Variants in THRB observed in about 807,000 individuals in gnomAD.
THRB encodes thyroid hormone receptor beta.
Under a neutral mutation model 47.8 loss-of-function variants are expected in THRB, and 12 were observed. That is an observed-to-expected ratio of 0.25 (90% confidence interval 0.16 to 0.41). THRB has a LOEUF of 0.41. Ranked by LOEUF, THRB falls within the 10% of genes least tolerant of loss-of-function variation. The probability of loss-of-function intolerance (pLI) is 1.00; values close to 1 mark genes in which losing one functional copy is unlikely to be tolerated. For synonymous variants in THRB, 218 were observed against 212.2 expected, an observed-to-expected ratio of 1.03 and a Z score of -0.24; for missense variants, 348 against 589.2, an observed-to-expected ratio of 0.59 and a Z score of 4.24.
chr3:24,172,949 T>G (rs1161957903), intron 5 of THRB, among the ~76,000 whole-genome samples: 1 of 152,164 alleles, frequency 6.6e-6, no homozygotes, highest in Non-Finnish European at 1.5e-5. Context: ...AGATGAAATA[T>G]GTCAATTTCT....
chr3:24,452,485 A>G (rs1418166988), intron 1 of THRB, among the ~76,000 whole-genome samples: 1 of 152,130 alleles, frequency 6.6e-6, no homozygotes, highest in East Asian at 1.9e-4. Context: ...GTCATCCAAG[A>G]AAATCATTAC....
chr3:24,184,760 G>T (rs2042356386), intron 5 of THRB, among the ~76,000 whole-genome samples: 1 of 152,202 alleles, frequency 6.6e-6, no homozygotes, highest in African/African-American at 2.4e-5. Flanking sequence ...TGGGACTGCA[G>T]ATCCTGATGT....
At chr3:24,460,202 A>T (rs1441678863) in intron 1 of THRB, among the ~76,000 whole-genome samples, 2 of 152,242 alleles carry the variant, frequency 1.3e-5, no homozygotes, top group African/African-American at 4.8e-5. Context: ...GGTTAAAGTG[A>T]CAGGCTTATC....
At chr3:24,133,051 T>TA in intron 9 of THRB, among the ~76,000 whole-genome samples, 1 of 152,318 alleles carries the variant, frequency 6.6e-6, no homozygotes, top group Middle Eastern at 3.4e-3. Context: ...TGGAATCTAT[T>TA]GCTATCATTA....
intron 1 of THRB, among the ~76,000 whole-genome samples, chr3:24,363,630 C>T (rs956286202): frequency 6.6e-5 from 10 of 152,074 alleles, no homozygotes; most frequent in Non-Finnish European, 1.0e-4. Flanking sequence ...TGAAGGTTGT[C>T]TGAAGAAAAG....
intron 7 of THRB, among the ~76,000 whole-genome samples, 175 bp downstream of exon 7, chr3:24,146,500 C>G (rs532763137): frequency 1.3e-5 from 2 of 152,320 alleles, no homozygotes; most frequent in East Asian, 3.9e-4. Flanking sequence ...ATGGCTCCCA[C>G]CTCCCTTTCA....
chr3:24,163,777 C>T (rs556411597), intron 5 of THRB, among the ~76,000 whole-genome samples: 15 of 152,094 alleles, frequency 9.9e-5, no homozygotes, highest in African/African-American at 3.4e-4. Flanking sequence ...AAATATATTT[C>T]ATGCTGTAAT....
At chr3:24,419,834 T>C (rs7626512) in intron 1 of THRB, among the ~76,000 whole-genome samples, 32,103 of 151,820 alleles carry the variant, frequency 0.21, 3,858 homozygotes, top group African/African-American at 0.32. Context: ...TAATAATATT[T>C]AATGTATTTC....
intron 1 of THRB, among the ~76,000 whole-genome samples, chr3:24,373,891 G>T (rs1332553638): frequency 6.6e-6 from 1 of 151,988 alleles, no homozygotes; most frequent in African/African-American, 2.4e-5. Context: ...TAAGGCAAAC[G>T]CTAAGCTATC....
chr3:24,192,979 A>C (rs1045815133), intron 4 of THRB, among the ~76,000 whole-genome samples: 2 of 152,132 alleles, frequency 1.3e-5, no homozygotes, highest in African/African-American at 4.8e-5. Flanking sequence ...TTATTTAAGG[A>C]GGATTCTTGA....
intron 1 of THRB, among the ~76,000 whole-genome samples, chr3:24,400,913 A>G (rs2067339268): frequency 6.6e-6 from 1 of 152,094 alleles, no homozygotes; most frequent in African/African-American, 2.4e-5. Context: ...TAGTAATAAG[A>G]AAAAACAAAA....
chr3:24,268,393 T>A (rs1049204891), intron 3 of THRB, among the ~76,000 whole-genome samples: 5 of 152,160 alleles, frequency 3.3e-5, no homozygotes, highest in African/African-American at 1.2e-4. Context: ...AGAAATGAGA[T>A]CCTTTAAAAA....
chr3:24,217,988 C>T (rs909950062), intron 4 of THRB, among the ~76,000 whole-genome samples: 2 of 152,110 alleles, frequency 1.3e-5, no homozygotes, highest in African/African-American at 2.4e-5. Context: ...CTTTCCTGGC[C>T]GGGTGCTGTG....
At chr3:24,374,197 A>C (rs1419825562) in intron 1 of THRB, among the ~76,000 whole-genome samples, 3 of 152,144 alleles carry the variant, frequency 2.0e-5, no homozygotes, top group Admixed American at 1.3e-4. Flanking sequence ...CAAGTGGTGT[A>C]GATTTAGTTT....
At chr3:24,161,654 A>ACACACACACG (rs1553624014) in intron 5 of THRB, among the ~76,000 whole-genome samples, 10 of 151,384 alleles carry the variant, frequency 6.6e-5, no homozygotes, top group East Asian at 1.9e-4. Flanking sequence ...ACACACACAC[A>ACACACACACG]GACAGAATTC....
intron 2 of THRB, among the ~76,000 whole-genome samples, chr3:24,322,448 T>G (rs891708435): frequency 6.6e-6 from 1 of 152,242 alleles, no homozygotes; most frequent in African/African-American, 2.4e-5. Flanking sequence ...TTTATTGTAT[T>G]TGCTTTGGGC....
In THRB at chr3:24,121,754, T is replaced by G. The variant is rs2031724454; in HGVS notation, c.*1130A>C. ...AGGGAAAAAGGGGACTAGGAGACAT[T>G]TGTCAATGAGGCAAGGAGCTTGAGG... is the stretch of plus-strand genomic sequence containing the variant. On this transcript the variant is annotated 3_prime_UTR_variant, in exon 11 of 11. Coordinates refer to ENST00000646209, the MANE Select transcript of THRB (RefSeq NM_001354712.2). 1 of 152,254 alleles carries G rather than the reference T, an allele frequency of 6.6e-6. No homozygotes were observed. Among genetic ancestry groups the G allele is most frequent in the African/African-American group, 2.4e-5 (1 of 41,422 alleles). The allele number at this position is 152,254 out of a possible 1,614,324, so 9.4% of individuals were successfully genotyped here.
rs142799238 is a variant in THRB at position 24,484,562 on chromosome 3, A to C, written c.-261+10090T>G. Among the ~76,000 whole-genome samples, 830 of 152,338 alleles carry C rather than the reference A, an allele frequency of 5.4e-3. 8 individuals carry two copies. The highest frequency in any genetic ancestry group is 0.019 in the African/African-American group (804 of 41,576). On this transcript the variant is annotated intron_variant, in intron 1 of 10. Transcript: ENST00000646209. ...ACTTGTCTATAATGTGGCTACTAGA[A>C]GAATTTAAACTACATATATGGCTCA...
At chr3:24,418,979 C>T (rs575561971) in intron 1 of THRB, among the ~76,000 whole-genome samples, 1 of 151,978 alleles carries the variant, frequency 6.6e-6, no homozygotes. Flanking sequence ...ACATCTATCA[C>T]CCCCCATACC....
Sources: allele counts gnomAD v4.1 joint callset (sites outside exome capture counted in the v4.1 genomes callset), GRCh38; gene constraint gnomAD v4.1.1; transcripts MANE v1.5; gene names NCBI Gene and HGNC (gene_info 2026-07-23, HGNC 2026-07-21).